The following GLRA2 variants were observed in gnomAD, a reference collection of about 807,000 sequenced individuals.
GLRA2 encodes glycine receptor subunit alpha-2.
Under a neutral mutation model 31.6 loss-of-function variants are expected in GLRA2, and 11 were observed. That is an observed-to-expected ratio of 0.35 (90% CI 0.22 to 0.58). The LOEUF (loss-of-function observed/expected upper bound fraction) is 0.58, where lower values mean the gene tolerates loss of function less well. Among genes scored for constraint, GLRA2 ranks in the 20% least tolerant of loss-of-function variants. The pLI, the probability that GLRA2 is intolerant of heterozygous loss-of-function variation, is 0.84. For missense variants in GLRA2, 212 were observed against 351.8 expected, an observed-to-expected ratio of 0.60 and a Z score of 3.18; for synonymous variants, 132 against 134.0, an observed-to-expected ratio of 0.99 and a Z score of 0.10.
At chrX:14,581,953 TGA>T (rs1400288764) in intron 4 of GLRA2, among the ~76,000 whole-genome samples, 1 of 111,451 alleles carries the variant, frequency 9.0e-6, no homozygotes. Context: ...AGACAATTGC[TGA>T]GATCCATTTT....
intron 7 of GLRA2, among the ~76,000 whole-genome samples, chrX:14,627,878 C>T (rs773687705): frequency 8.9e-6 from 1 of 111,898 alleles, no homozygotes; most frequent in Non-Finnish European, 1.9e-5. Context: ...AAGACCGTTT[C>T]GTTTTACAAT....
At chrX:14,468,164 C>T in the GLRA2 span, among the ~76,000 whole-genome samples, 2 of 111,954 alleles carry the variant, frequency 1.8e-5, no homozygotes, top group African/African-American at 6.5e-5. Flanking sequence ...ATGTTGAATA[C>T]TTGGGCATAA....
chrX:14,491,594 G>A, the GLRA2 span, among the ~76,000 whole-genome samples: 1 of 111,873 alleles, frequency 8.9e-6, no homozygotes, highest in Non-Finnish European at 1.9e-5. Context: ...ACAGATTCCT[G>A]TACTTAGCCC....
At chrX:14,592,761 A>G (rs2090158595) in intron 4 of GLRA2, among the ~76,000 whole-genome samples, 1 of 112,552 alleles carries the variant, frequency 8.9e-6, no homozygotes, top group African/African-American at 3.2e-5. Context: ...AAACTAGATC[A>G]TTTGTACCCT....
chrX:14,560,797 C>CAAAAAAA (rs760583127), intron 2 of GLRA2, among the ~76,000 whole-genome samples: 23 of 41,226 alleles, frequency 5.6e-4, no homozygotes, highest in East Asian at 1.0e-3. Context: ...GACCCTGTCT[C>CAAAAAAA]AAAAAAAAAA....
intron 7 of GLRA2, among the ~76,000 whole-genome samples, chrX:14,632,025 C>A (rs1465761946): frequency 3.7e-5 from 2 of 54,490 alleles, no homozygotes; most frequent in African/African-American, 1.3e-4. Context: ...CTCAACAGAC[C>A]CTCAGATCCA....
intron 4 of GLRA2, among the ~76,000 whole-genome samples, chrX:14,586,818 G>A (rs2090086011): frequency 8.9e-6 from 1 of 112,307 alleles, no homozygotes; most frequent in Non-Finnish European, 1.9e-5. Context: ...CATGCCCACA[G>A]TATCTTTGCT....
chrX:14,591,635 T>C (rs538580423), intron 4 of GLRA2, among the ~76,000 whole-genome samples: 1 of 112,009 alleles, frequency 8.9e-6, no homozygotes, highest in South Asian at 3.8e-4. Flanking sequence ...CTGACTCAAA[T>C]GTTAATCTCT....
intron 7 of GLRA2, 72 bp from the exon 8 acceptor site, chrX:14,690,638 G>T (rs1408129372): frequency 1.3e-6 from 1 of 745,127 alleles, no homozygotes; most frequent in African/African-American, 2.1e-5. Context: ...TGGTTTCCTG[G>T]CAGGCTTTCA....
the GLRA2 span, among the ~76,000 whole-genome samples, chrX:14,507,689 C>CTTTTTTTTTT: frequency 2.9e-3 from 134 of 46,633 alleles, 20 homozygotes; most frequent in Non-Finnish European, 4.6e-3. Context: ...GAAAGACATT[C>CTTTTTTTTTT]TTTTTTTTTT....
chrX:14,562,050 A>G (rs769914681), intron 2 of GLRA2, among the ~76,000 whole-genome samples: 8 of 112,498 alleles, frequency 7.1e-5, no homozygotes, highest in Non-Finnish European at 1.5e-4. Flanking sequence ...AAACAAAAAA[A>G]TCTATAGTCA....
intron 7 of GLRA2, among the ~76,000 whole-genome samples, chrX:14,633,590 G>A (rs1445107211): frequency 8.9e-6 from 1 of 111,970 alleles, no homozygotes; most frequent in Admixed American, 9.5e-5. Context: ...AAGCAGGAAT[G>A]ACAGGGTGTA....
chrX:14,604,297 T>A lies in GLRA2; in HGVS notation c.495-18T>A. On this transcript the variant is annotated intron_variant, in intron 4 of 8. Coordinates refer to ENST00000218075, the MANE Select transcript of GLRA2 (RefSeq NM_002063.4). ...ATAGATTTAAAAATGGTTTTTAATT[T>A]TTTTTTTGTTTGCTAAGACTCACCT... is the stretch of plus-strand genomic sequence containing the variant. 2 of 1,065,916 alleles carry A rather than the reference T, an allele frequency of 1.9e-6. No homozygotes were observed. Among genetic ancestry groups the A allele is most frequent in the Non-Finnish European group, 2.6e-6 (2 of 773,139 alleles). 87.8% of individuals were successfully genotyped at this position (1,065,916 alleles called of 1,213,427 possible). A position where few individuals can be genotyped will look rare whatever the true frequency, so the allele number is the denominator to read the frequency against.
intron 7 of GLRA2, among the ~76,000 whole-genome samples, chrX:14,662,025 T>C (rs985131802): frequency 2.7e-5 from 3 of 110,348 alleles, no homozygotes; most frequent in African/African-American, 9.9e-5. Context: ...CCCAAATAAA[T>C]ATACTAATAT....
At chrX:14,569,789 A>T (rs189186133) in intron 2 of GLRA2, among the ~76,000 whole-genome samples, 29 of 112,478 alleles carry the variant, frequency 2.6e-4, no homozygotes, top group South Asian at 1.5e-3. Context: ...AGGGACTCAA[A>T]CCTACTTGTG....
At chrX:14,534,910 G>A (rs1305175718) in intron 2 of GLRA2, among the ~76,000 whole-genome samples, 2 of 110,902 alleles carry the variant, frequency 1.8e-5, no homozygotes, top group African/African-American at 6.5e-5. Context: ...AGGAGGCTTA[G>A]ATAAACACTA....
At chrX:14,476,234 T>C in the GLRA2 span, among the ~76,000 whole-genome samples, 1 of 112,548 alleles carries the variant, frequency 8.9e-6, no homozygotes, top group Non-Finnish European at 1.9e-5. Flanking sequence ...CTGATTTTTA[T>C]TGCTGATTTC....
chrX:14,578,441 A>G (rs975432788), intron 3 of GLRA2, among the ~76,000 whole-genome samples: 2 of 111,925 alleles, frequency 1.8e-5, no homozygotes, highest in African/African-American at 6.5e-5. Context: ...CATTATTTTT[A>G]TGGATATATT....
the GLRA2 span, among the ~76,000 whole-genome samples, chrX:14,493,307 A>G: frequency 1.8e-5 from 2 of 109,661 alleles, no homozygotes; most frequent in African/African-American, 6.6e-5. Flanking sequence ...TGATACATCC[A>G]TACAATGGAA....
Sources: gnomAD v4.1 joint callset for allele counts (sites outside exome capture counted in the v4.1 genomes callset) on GRCh38, gnomAD v4.1.1 for gene constraint, MANE v1.5 for transcripts, NCBI Gene and HGNC (gene_info 2026-07-23, HGNC 2026-07-21) for gene names.